SCNN1B: variants seen among roughly 807,000 people sequenced by gnomAD.
SCNN1B encodes sodium channel epithelial 1 subunit beta.
In SCNN1B, 46 loss-of-function variants were observed where a neutral mutation model predicts 65.3. The ratio of observed to expected loss-of-function variants is 0.70; its 90% CI spans 0.56 to 0.90. SCNN1B has a LOEUF of 0.90. SCNN1B is among the 40% of genes least tolerant of loss of function. SCNN1B has a pLI of 0.00. For synonymous variants in SCNN1B, 349 were observed against 330.6 expected, an observed-to-expected ratio of 1.06 and a Z score of -0.60; for missense variants, 751 against 830.5, an observed-to-expected ratio of 0.90 and a Z score of 1.18.
intron 11 of SCNN1B, among the ~76,000 whole-genome samples, chr16:23,379,767 T>C (rs1962998605): frequency 6.6e-6 from 1 of 152,050 alleles, no homozygotes; most frequent in Admixed American, 6.6e-5. Context: ...GAACTGGTAG[T>C]CAGGGGATGG....
chr16:23,318,485 T>C (rs1961518864), intron 1 of SCNN1B, among the ~76,000 whole-genome samples: 1 of 152,144 alleles, frequency 6.6e-6, no homozygotes, highest in Non-Finnish European at 1.5e-5. Flanking sequence ...GGCGGACGCC[T>C]GTAATCCCAG....
chr16:23,356,583 C>T (rs1414232254), intron 4 of SCNN1B, among the ~76,000 whole-genome samples: 1 of 151,358 alleles, frequency 6.6e-6, no homozygotes, highest in African/African-American at 2.4e-5. Context: ...ATGATCACGT[C>T]ACTGCACTCC....
upstream of SCNN1B, among the ~76,000 whole-genome samples, chr16:23,297,643 A>G (rs1017337105): frequency 1.3e-5 from 2 of 152,232 alleles, no homozygotes; most frequent in African/African-American, 4.8e-5. Context: ...TGAGAGCTCA[A>G]TGAAAGAGTC....
intron 7 of SCNN1B, among the ~76,000 whole-genome samples, chr16:23,372,650 C>T (rs961130225): frequency 6.6e-6 from 1 of 151,828 alleles, no homozygotes; most frequent in African/African-American, 2.4e-5. Flanking sequence ...CCCACCGCTA[C>T]ACCGGCTAAT....
chr16:23,379,992 G>A lies in SCNN1B; in HGVS notation c.1467-102G>A, dbSNP rs72654351. On this transcript the variant is annotated intron_variant, in intron 11 of 12. Transcript: ENST00000343070. ...CATGTGTGTGCATACATGTGGGTGT[G>A]TGCACGTGCATGTGTGTGCATGTGT... is the stretch of plus-strand genomic sequence containing the variant. 1.6e-3 allele frequency: 1,393 copies of A among 876,718 alleles called. 2 individuals are homozygous for A. The highest frequency in any genetic ancestry group is 1.9e-3 in the Non-Finnish European group (993 of 510,944). The allele number at this position is 876,718 out of a possible 1,614,324, so 54.3% of individuals were successfully genotyped here.
intron 1 of SCNN1B, among the ~76,000 whole-genome samples, chr16:23,331,027 C>T (rs1169945403): frequency 6.6e-6 from 1 of 152,218 alleles, no homozygotes; most frequent in African/African-American, 2.4e-5. Flanking sequence ...CAGCAGCTTT[C>T]ATCTGAGCTC....
At chr16:23,307,092 C>A (rs1354651003) in intron 1 of SCNN1B, among the ~76,000 whole-genome samples, 1 of 152,050 alleles carries the variant, frequency 6.6e-6, no homozygotes, top group Non-Finnish European at 1.5e-5. Flanking sequence ...AGTTGGACAC[C>A]AAATCTGTCT....
At chr16:23,377,095 C>A in intron 8 of SCNN1B, 70 bp from the exon 9 acceptor site, 8 of 1,401,288 alleles carry the variant, frequency 5.7e-6, no homozygotes, top group Non-Finnish European at 8.0e-6. Flanking sequence ...CAGCCAGAGG[C>A]TCAGCAGGGA....
At chr16:23,281,068 C>T (rs1467129193) in intron 1 of SCNN1B, among the ~76,000 whole-genome samples, 2 of 152,158 alleles carry the variant, frequency 1.3e-5, no homozygotes, top group Non-Finnish European at 2.9e-5. Context: ...TCTGTACAAG[C>T]CCTGAGACCC....
chr16:23,379,858 A>G (rs926088778), intron 11 of SCNN1B, among the ~76,000 whole-genome samples: 14 of 151,800 alleles, frequency 9.2e-5, no homozygotes, highest in Non-Finnish European at 2.1e-4. Context: ...TCTCGTTTGG[A>G]CCTCCCCACT....
chr16:23,279,871 A>G (rs1960759589), intron 1 of SCNN1B, among the ~76,000 whole-genome samples: 1 of 152,146 alleles, frequency 6.6e-6, no homozygotes, highest in Non-Finnish European at 1.5e-5. Context: ...GTTTCTGCAG[A>G]GCCCCTGGAG....
intron 2 of SCNN1B, among the ~76,000 whole-genome samples, chr16:23,351,927 A>T (rs1403300330): frequency 1.3e-5 from 2 of 152,072 alleles, no homozygotes; most frequent in Non-Finnish European, 2.9e-5. Flanking sequence ...AGCCCACCAA[A>T]CCCAGATTCT....
chr16:23,308,489 C>T (rs1299235053), intron 1 of SCNN1B, among the ~76,000 whole-genome samples: 1 of 152,224 alleles, frequency 6.6e-6, no homozygotes, highest in African/African-American at 2.4e-5. Flanking sequence ...TGCCATTGTA[C>T]TCCAGCCTAG....
chr16:23,378,805 A>T (rs1375616473), intron 11 of SCNN1B, 38 bp downstream of exon 11: 2 of 1,599,878 alleles, frequency 1.3e-6, no homozygotes, highest in Non-Finnish European at 1.7e-6. Context: ...GAAGACAGGG[A>T]AGGGGTCCAG....
chr16:23,365,585 A>G (rs202086033), intron 4 of SCNN1B, among the ~76,000 whole-genome samples: 132 of 64,226 alleles, frequency 2.1e-3, no homozygotes, highest in South Asian at 4.0e-3. Flanking sequence ...GAAAGAAAGA[A>G]AGAGAAAGAA....
chr16:23,353,317 T>A (rs1461137719), intron 3 of SCNN1B: 2 of 568,102 alleles, frequency 3.5e-6, no homozygotes, highest in African/African-American at 1.9e-5. Context: ...TTGGCTCACA[T>A]GACTAAGAAA....
At chr16:23,334,879 T>A (rs1318762439) in intron 1 of SCNN1B, among the ~76,000 whole-genome samples, 1 of 152,204 alleles carries the variant, frequency 6.6e-6, no homozygotes, top group East Asian at 1.9e-4. Context: ...TTCAACCCCA[T>A]CAGCACATAA....
At chr16:23,377,719 CTTCT>C (rs66897751) in intron 10 of SCNN1B, among the ~76,000 whole-genome samples, 108,139 of 140,866 alleles carry the variant, frequency 0.77, 41,786 homozygotes, top group East Asian at 0.83. Context: ...TTCCTCCTTC[CTTCT>C]CCCTCCCTCC....
chr16:23,312,583 G>A (rs561034656), intron 1 of SCNN1B, among the ~76,000 whole-genome samples: 1 of 152,244 alleles, frequency 6.6e-6, no homozygotes, highest in African/African-American at 2.4e-5. Context: ...GAAGGGATGA[G>A]GGTAGGGCCA....
Sources: allele counts gnomAD v4.1 joint callset (sites outside exome capture counted in the v4.1 genomes callset), GRCh38; gene constraint gnomAD v4.1.1; transcripts MANE v1.5; gene names NCBI Gene and HGNC (gene_info 2026-07-23, HGNC 2026-07-21).